The following ANKS1A variants were observed in gnomAD, a reference collection of about 807,000 sequenced individuals.
ANKS1A encodes the protein ankyrin repeat and sterile alpha motif domain containing 1A, also known as ankyrin repeat and SAM domain-containing protein 1A.
Under a neutral mutation model 120.3 loss-of-function variants are expected in ANKS1A, and 55 were observed. The observed-to-expected ratio is 0.46, with a 90% confidence interval of 0.37 to 0.57. The LOEUF is 0.57. Ranked by LOEUF, ANKS1A falls within the 20% of genes least tolerant of loss-of-function variation. The probability of loss-of-function intolerance (pLI) is 0.00; values close to 1 mark genes in which losing one functional copy is unlikely to be tolerated. For synonymous variants in ANKS1A, 590 were observed against 604.7 expected, an observed-to-expected ratio of 0.98 and a Z score of 0.36; for missense variants, 1,123 against 1,480.3, an observed-to-expected ratio of 0.76 and a Z score of 3.96.
At chr6:34,935,240 C>T (rs1769190356) in intron 1 of ANKS1A, among the ~76,000 whole-genome samples, 1 of 152,196 alleles carries the variant, frequency 6.6e-6, no homozygotes, top group South Asian at 2.1e-4. Flanking sequence ...GCATGCATTG[C>T]CACACCTAGC....
intron 12 of ANKS1A, among the ~76,000 whole-genome samples, chr6:35,055,564 G>C (rs184732144): frequency 2.0e-5 from 3 of 152,098 alleles, no homozygotes; most frequent in African/African-American, 4.8e-5. Flanking sequence ...TCCTGACCTC[G>C]TGATCCGCCT....
In ANKS1A at chr6:35,089,824, T is replaced by G. The variant is rs914030003; in HGVS notation, c.*1215T>G. 2 of 1,025,758 alleles carry G rather than the reference T, an allele frequency of 1.9e-6. No individual in the cohort carries two copies. Among genetic ancestry groups the G allele is most frequent in the Admixed American group, 1.1e-4 (2 of 18,546 alleles). The allele number at this position is 1,025,758 out of a possible 1,614,324, so 63.5% of individuals were successfully genotyped here. A position where few individuals can be genotyped will look rare whatever the true frequency, so the allele number is the denominator to read the frequency against. ...ACTGCTGTGGATTTGAGAGGCAAAGTTGGCTCAGCTGTGTGCCCAGTTCCT... is the reference window on the plus strand; with the variant it reads ...ACTGCTGTGGATTTGAGAGGCAAAGGTGGCTCAGCTGTGTGCCCAGTTCCT... On this transcript the variant is annotated 3_prime_UTR_variant, in exon 24 of 24. Coordinates refer to ENST00000360359, the MANE Select transcript of ANKS1A (RefSeq NM_015245.3).
At chr6:35,025,784 A>G (rs1417144383) in intron 11 of ANKS1A, among the ~76,000 whole-genome samples, 1 of 149,984 alleles carries the variant, frequency 6.7e-6, no homozygotes, top group Non-Finnish European at 1.5e-5. Flanking sequence ...TTTTGCTTTT[A>G]TTTTTTCTTT....
chr6:35,017,726 C>T lies in ANKS1A; in HGVS notation c.1677C>T (p.Ala559=). 2.5e-6 allele frequency: 4 copies of T among 1,614,078 alleles called. No homozygotes were observed. Among genetic ancestry groups the T allele is most frequent in the Non-Finnish European group, 3.4e-6 (4 of 1,180,032 alleles). ...CTCCTGGAGCCTCCCAGCCCAGTGC[C>T]CTGGACCAGAGCAAGAGAGTGGGCT... ...VHAPGASQPS[A]LDQSKRVGYL... The change falls in exon 11 of 24, where the codon GCC becomes GCT. Residue 559 remains alanine (A), a synonymous_variant. Coordinates refer to ENST00000360359, the MANE Select transcript of ANKS1A (RefSeq NM_015245.3).
chr6:34,896,974 T>A (rs1767121745), intron 1 of ANKS1A, among the ~76,000 whole-genome samples: 1 of 151,734 alleles, frequency 6.6e-6, no homozygotes, highest in African/African-American at 2.4e-5. Flanking sequence ...TCAAAAAAAA[T>A]AAAAATAAAA....
At chr6:34,983,565 TG>T (rs1772029032) in intron 7 of ANKS1A, 140 bp downstream of exon 7, 4 of 725,140 alleles carry the variant, frequency 5.5e-6, no homozygotes, top group African/African-American at 5.4e-5. Context: ...GTTCATTTTT[TG>T]CCAACTACTA....
In ANKS1A at chr6:35,083,868, G is replaced by A. The variant is rs112487369; in HGVS notation, c.2995-253G>A. On this transcript the variant is annotated intron_variant, in intron 20 of 23. Coordinates refer to ENST00000360359, the MANE Select transcript of ANKS1A (RefSeq NM_015245.3). ...CCACTTTGCCCCCACCCTGGAAGGT[G>A]GGAGGGGCTGGGGAGAGCTTGTGGT... Among the ~76,000 whole-genome samples, 5 of 152,330 alleles carry A rather than the reference G, an allele frequency of 3.3e-5. No individual in the cohort carries two copies. The South Asian group carries it at 1.0e-3, about 32-fold the overall frequency.
In ANKS1A at chr6:35,089,118, T is replaced by C; in HGVS notation, c.*509T>C. 1 of 1,024,672 alleles carries C rather than the reference T, an allele frequency of 9.8e-7. No individual in the cohort carries two copies. The highest frequency in any genetic ancestry group is 1.2e-6 in the Non-Finnish European group (1 of 852,164). The allele number at this position is 1,024,672 out of a possible 1,614,324, so 63.5% of individuals were successfully genotyped here. ...GGGAACGGAGCAGGCTCAGGCAGAA[T>C]TGAGTACGGTGCGTCTGCTTTTCAA... On this transcript the variant is annotated 3_prime_UTR_variant, in exon 24 of 24. Coordinates refer to ENST00000360359, the MANE Select transcript of ANKS1A (RefSeq NM_015245.3).
chr6:35,076,819 C>G (rs1463653828), intron 13 of ANKS1A, among the ~76,000 whole-genome samples: 1 of 152,006 alleles, frequency 6.6e-6, no homozygotes, highest in Non-Finnish European at 1.5e-5. Context: ...TTAGTAGAGA[C>G]AGGTTTCACA....
chr6:34,903,370 G>A lies in ANKS1A; in HGVS notation c.197+13771G>A, dbSNP rs576214363. ...AACTTTTTTTTTTTTTTCCAAGAGAGGATCTTGCTCTGTTGCCCAGGCTGG... is the reference window on the plus strand; with the variant it reads ...AACTTTTTTTTTTTTTTCCAAGAGAAGATCTTGCTCTGTTGCCCAGGCTGG... On this transcript the variant is annotated intron_variant, in intron 1 of 23. Coordinates refer to ENST00000360359, the MANE Select transcript of ANKS1A (RefSeq NM_015245.3). 8.6e-5 allele frequency among the ~76,000 whole-genome samples: 13 copies of A among 151,638 alleles called. No homozygotes were observed. The East Asian group carries it at 2.5e-3, about 29-fold the overall frequency.
chr6:35,028,803 A>G (rs1038104817), intron 11 of ANKS1A, among the ~76,000 whole-genome samples: 2 of 152,180 alleles, frequency 1.3e-5, no homozygotes, highest in African/African-American at 4.8e-5. Flanking sequence ...CATGGTGTGC[A>G]TATACTATCA....
At chr6:34,903,675 G>A (rs376780079) in intron 1 of ANKS1A, among the ~76,000 whole-genome samples, 147 of 151,914 alleles carry the variant, frequency 9.7e-4, no homozygotes, top group African/African-American at 3.0e-3. Flanking sequence ...TTTTTTGTTC[G>A]TTTGTTTTGT....
intron 14 of ANKS1A, 126 bp downstream of exon 14, chr6:35,078,782 C>T: frequency 1.2e-6 from 1 of 835,748 alleles, no homozygotes; most frequent in Admixed American, 2.3e-5. Context: ...GGACCTCTAC[C>T]CCTCACCCTA....
intron 11 of ANKS1A, among the ~76,000 whole-genome samples, chr6:35,052,715 C>G (rs1776031702): frequency 6.6e-6 from 1 of 151,578 alleles, no homozygotes. Flanking sequence ...CTGAAGGAGG[C>G]AGCACTTGAA....
At chr6:34,994,242 G>C (rs11755713) in intron 9 of ANKS1A, 60 bp from the exon 10 acceptor site, 1,450,148 of 1,575,778 alleles carry the variant, frequency 0.92, 671,926 homozygotes, top group Non-Finnish European at 0.95. Flanking sequence ...ATTTGTTCCA[G>C]ACTGCCTGTC....
Position 35,084,051 on chromosome 6 carries a change from C to T in ANKS1A, c.2995-70C>T. On this transcript the variant is annotated intron_variant, in intron 20 of 23. Transcript: ENST00000360359. The surrounding 1 kb of genome is among the most constrained non-coding windows in gnomAD (Gnocchi z 4.8). The stretch of plus-strand genomic sequence containing the variant: ...GGACAGAGAACAGTGACAATGGTAA[C>T]AGGCTGGGGCAGGGGGTGCCAGAGG... 5.7e-6 allele frequency: 9 copies of T among 1,589,562 alleles called. No individual in the cohort carries two copies. The South Asian group carries it at 8.0e-5, about 14-fold the overall frequency.
Position 35,067,467 on chromosome 6 carries a change from G to A in ANKS1A, c.2184+7214G>A, listed in dbSNP as rs1270414190. 2.6e-5 allele frequency among the ~76,000 whole-genome samples: 4 copies of A among 152,144 alleles called. No individual in the cohort carries two copies. The South Asian group carries it at 6.2e-4, about 24-fold the overall frequency. Reference sequence around the variant, plus strand: ...GCATAAACCACCTGTAGTAGCGGCCGGCCAGCATTAGCAAAGGCCGGAGAA... The same window carrying A: ...GCATAAACCACCTGTAGTAGCGGCCAGCCAGCATTAGCAAAGGCCGGAGAA... On this transcript the variant is annotated intron_variant, in intron 13 of 23. Transcript: ENST00000360359.
chr6:34,978,460 T>A (rs913097663), intron 3 of ANKS1A, among the ~76,000 whole-genome samples: 2 of 152,210 alleles, frequency 1.3e-5, no homozygotes, highest in Non-Finnish European at 2.9e-5. Context: ...TCTGTGCTGC[T>A]CCTTAGAATC....
In ANKS1A at chr6:35,081,076, C is replaced by A. The variant is rs1777644305; in HGVS notation, c.2627C>A (p.Pro876His). 23 of 1,613,880 alleles carry A rather than the reference C, an allele frequency of 1.4e-5. No homozygotes were observed. The highest frequency in any genetic ancestry group is 1.9e-5 in the Non-Finnish European group (23 of 1,179,998). Residue 876 changes from proline (P) to histidine (H), a missense_variant, in exon 17 of 24, where the codon CCT becomes CAT. Pro to His is a moderately conservative substitution (Grantham distance 77). Around this residue, in one of 3 missense-constraint regions of ANKS1A, gnomAD observed 904 missense variants for 1,130.4 expected, o/e 0.80. Transcript: ENST00000360359. The stretch of plus-strand genomic sequence containing the variant: ...GGGCGGTCGGCAGATCTGCTGCTGC[C>A]TCCAGGGGACACAGGCAGGAGGCGC... The part of the protein sequence containing the change: ...CTGRSADLLL[P>H]PGDTGRRRHD...
Sources: allele counts gnomAD v4.1 joint callset (sites outside exome capture counted in the v4.1 genomes callset), GRCh38; gene constraint gnomAD v4.1.1; regional missense constraint gnomAD v4.1.1; non-coding constraint Gnocchi (gnomAD v3.1); transcripts MANE v1.5; gene names NCBI Gene and HGNC (gene_info 2026-07-23, HGNC 2026-07-21).